The following CD99L2 variants were observed in gnomAD, a reference collection of about 807,000 sequenced individuals.
CD99L2 encodes CD99 antigen-like protein 2.
A neutral mutation model predicts 27.3 loss-of-function variants in CD99L2; 24 were observed. The observed-to-expected ratio is 0.88, with a 90% confidence interval of 0.64 to 1.24. The LOEUF (loss-of-function observed/expected upper bound fraction) is 1.24, where lower values mean the gene tolerates loss of function less well. Among genes scored for constraint, CD99L2 ranks in the 50% most tolerant of loss-of-function variants. The pLI is 0.00. For missense variants in CD99L2, 255 were observed against 221.6 expected (o/e 1.15, Z -0.96); for synonymous variants, 97 against 87.9 (o/e 1.10, Z -0.58).
chrX:150,767,618 C>G lies in CD99L2; in HGVS notation c.*1416G>C, dbSNP rs1263123321. On this transcript the variant is annotated 3_prime_UTR_variant, in exon 11 of 11. Coordinates refer to ENST00000370377, the MANE Select transcript of CD99L2 (RefSeq NM_031462.4). ...AGATTCCAGTGGTTTCCTTAAGAAA[C>G]TGGAGTTGGCTCATCCCACTCAGCA... 3 of 111,729 alleles carry G rather than the reference C, an allele frequency of 2.7e-5. No homozygotes were observed. The highest frequency in any genetic ancestry group is 9.8e-5 in the African/African-American group (3 of 30,732). 9.2% of individuals were successfully genotyped at this position (111,729 alleles called of 1,213,427 possible). A position where few individuals can be genotyped will look rare whatever the true frequency, so the allele number is the denominator to read the frequency against.
chrX:150,797,639 A>G (rs949773815), intron 4 of CD99L2, among the ~76,000 whole-genome samples: 1 of 112,701 alleles, frequency 8.9e-6, no homozygotes, highest in Non-Finnish European at 1.9e-5. Flanking sequence ...GAAAAAGAAC[A>G]TAGAAGAGTC....
intron 2 of CD99L2, chrX:150,828,994 G>A (rs1239329653): frequency 9.0e-6 from 1 of 111,161 alleles, no homozygotes; most frequent in Non-Finnish European, 1.9e-5. Flanking sequence ...TGGCAATACA[G>A]GTCATGGCCA....
chrX:150,770,314 C>G lies in CD99L2; in HGVS notation c.711G>C (p.Glu237Asp). Residue 237 changes from glutamate (E) to aspartate (D), a missense_variant, in exon 10 of 11, where the codon GAG becomes GAC. Transcript: ENST00000370377. ...KGENLEAVVC[E>D]EPQVKYSTLH... ...GTACAAAGTTCTCACCTTGGGGTTC[C>G]TCACATACCACGGCTTCCAGGTTCT... 8.3e-7 allele frequency: 1 copy of G among 1,211,865 alleles called. No individual in the cohort carries two copies. The highest frequency in any genetic ancestry group is 1.1e-6 in the Non-Finnish European group (1 of 895,260).
rs782128679 is a variant in CD99L2 at position 150,786,022 on chromosome X, C to T, written c.496+7669G>A. Among the ~76,000 whole-genome samples the T allele has an allele frequency of 4.5e-5, 5 of 111,342 alleles. No individual in the cohort carries two copies. The East Asian group carries it at 8.5e-4, about 19-fold the overall frequency. ...TTCTCTTGAATAGGGAATGAAATTG[C>T]TGGGTCGCTAGGTAGGTCTATGTTC... On this transcript the variant is annotated intron_variant, in intron 7 of 10. Coordinates refer to ENST00000370377, the MANE Select transcript of CD99L2 (RefSeq NM_031462.4).
At chrX:150,878,251 T>C (rs1028607278) in intron 1 of CD99L2, among the ~76,000 whole-genome samples, 11 of 107,553 alleles carry the variant, frequency 1.0e-4, no homozygotes, top group African/African-American at 3.8e-4. Flanking sequence ...GACAGGATAA[T>C]CACTTGAACC....
At chrX:150,828,851 T>TA (rs1231009710) in intron 2 of CD99L2, 2 of 111,614 alleles carry the variant, frequency 1.8e-5, no homozygotes, top group Non-Finnish European at 3.8e-5. Flanking sequence ...TTTTATAATA[T>TA]AAAAAACACA....
chrX:150,857,167 G>A (rs916508923), intron 1 of CD99L2, among the ~76,000 whole-genome samples: 19 of 111,737 alleles, frequency 1.7e-4, no homozygotes, highest in Admixed American at 1.0e-3. Context: ...CTCAGAAGGC[G>A]AAGAGAGAAT....
chrX:150,834,476 G>C (rs2046495971), intron 1 of CD99L2, among the ~76,000 whole-genome samples: 1 of 112,112 alleles, frequency 8.9e-6, no homozygotes, highest in Admixed American at 9.5e-5. Context: ...TGGTGATAGA[G>C]CAAGACACCA....
chrX:150,798,230 AAGGAAGGAAGGAAGGAAGGGAGGG>A (rs2045842788), intron 4 of CD99L2, among the ~76,000 whole-genome samples: 2 of 14,995 alleles, frequency 1.3e-4, no homozygotes, highest in Non-Finnish European at 2.0e-4. Flanking sequence ...GGAAGGAAGG[AAGGAAGGAAGGAAGGAAGGGAGGG>A]AGGGAGGGAG....
At chrX:150,856,477 C>T (rs116433108) in intron 1 of CD99L2, among the ~76,000 whole-genome samples, 2,804 of 110,495 alleles carry the variant, frequency 0.025, 100 homozygotes, top group African/African-American at 0.089. Flanking sequence ...GGAGGCTTTC[C>T]TCATCTGAGA....
At chrX:150,828,260 G>C (rs1308795793) in intron 2 of CD99L2, 1 of 111,771 alleles carries the variant, frequency 8.9e-6, no homozygotes, top group Non-Finnish European at 1.9e-5. Flanking sequence ...TTCCAATCAA[G>C]TCAGTCAAAG....
At chrX:150,826,760 C>G (rs61531017) in intron 2 of CD99L2, among the ~76,000 whole-genome samples, 1,226 of 111,871 alleles carry the variant, frequency 0.011, 14 homozygotes, top group African/African-American at 0.037. Flanking sequence ...GTCTTTTCTC[C>G]AACATTCTCC....
At chrX:150,881,693 TC>T (rs1489906720) in intron 1 of CD99L2, among the ~76,000 whole-genome samples, 1 of 112,428 alleles carries the variant, frequency 8.9e-6, no homozygotes, top group Non-Finnish European at 1.9e-5. Flanking sequence ...TGTATCACTG[TC>T]CTGATTAGCA....
At chrX:150,894,638 A>G (rs1471629324) in intron 1 of CD99L2, among the ~76,000 whole-genome samples, 4 of 110,235 alleles carry the variant, frequency 3.6e-5, no homozygotes, top group African/African-American at 1.3e-4. Flanking sequence ...CCCAGGCTGA[A>G]GTGCAGTGGT....
chrX:150,802,552 C>T (rs782281897), intron 4 of CD99L2, among the ~76,000 whole-genome samples: 15 of 102,257 alleles, frequency 1.5e-4, no homozygotes, highest in Non-Finnish European at 2.0e-4. Context: ...GGCAGCAGAG[C>T]GAGACTCAGG....
intron 1 of CD99L2, among the ~76,000 whole-genome samples, chrX:150,886,467 G>A (rs982950365): frequency 1.8e-5 from 2 of 112,502 alleles, no homozygotes; most frequent in Admixed American, 9.4e-5. Context: ...CAGTCACATT[G>A]CTGTACAGGT....
chrX:150,798,047 AAGAAGAAGAAGAAGG>A (rs1201446469), intron 4 of CD99L2, among the ~76,000 whole-genome samples: 1 of 84,104 alleles, frequency 1.2e-5, no homozygotes, highest in Non-Finnish European at 2.2e-5. Context: ...GTCAAAAAAA[AAGAAGAAGAAGAAGG>A]AGAAGAAGGA....
At chrX:150,771,857 G>A in intron 9 of CD99L2, 1 of 1,151,695 alleles carries the variant, frequency 8.7e-7, no homozygotes, top group Non-Finnish European at 1.2e-6. Context: ...AATCCCTGGA[G>A]TAAGAGCGCT....
intron 4 of CD99L2, among the ~76,000 whole-genome samples, chrX:150,800,814 C>T (rs782402542): frequency 2.6e-4 from 29 of 111,304 alleles, no homozygotes; most frequent in Admixed American, 4.7e-4. Flanking sequence ...GGGTGGATCA[C>T]CTGAGTCAGG....
Sources: gnomAD v4.1 joint callset for allele counts (sites outside exome capture counted in the v4.1 genomes callset) on GRCh38, gnomAD v4.1.1 for gene constraint, MANE v1.5 for transcripts, NCBI Gene and HGNC (gene_info 2026-07-23, HGNC 2026-07-21) for gene names.